Variants in HELLS observed in about 807,000 individuals in gnomAD.
The protein encoded by HELLS is helicase, lymphoid specific, also known as lymphoid-specific helicase.
A neutral mutation model predicts 120.0 loss-of-function variants in HELLS; 32 were observed. The observed-to-expected ratio is 0.27, with a 90% CI of 0.20 to 0.36. HELLS has a LOEUF of 0.36. Among genes scored for constraint, HELLS ranks in the 10% least tolerant of loss-of-function variants. The pLI, the probability that HELLS is intolerant of heterozygous loss-of-function variation, is 1.00. For synonymous variants in HELLS, 341 were observed against 323.4 expected (o/e 1.05, Z -0.58); for missense variants, 650 against 993.4 (o/e 0.65, Z 4.65).
intron 11 of HELLS, among the ~76,000 whole-genome samples, chr10:94,581,787 T>G (rs1399146621): frequency 1.3e-5 from 2 of 152,194 alleles, no homozygotes; most frequent in Non-Finnish European, 2.9e-5. Context: ...TGTGTTACCT[T>G]TGTAAAACAT....
chr10:94,546,556 C>CG, intron 2 of HELLS, 58 bp downstream of exon 2: 1 of 1,603,518 alleles, frequency 6.2e-7, no homozygotes, highest in Non-Finnish European at 8.5e-7. Context: ...GGCTTTAACC[C>CG]GGAGGTGTGG....
chr10:94,561,627 A>G (rs1843557308), intron 4 of HELLS, among the ~76,000 whole-genome samples: 1 of 151,940 alleles, frequency 6.6e-6, no homozygotes. Flanking sequence ...CACCATGCTC[A>G]GCTAATTTTC....
At chr10:94,589,424 C>G (rs1845344572) in intron 13 of HELLS, among the ~76,000 whole-genome samples, 1 of 152,144 alleles carries the variant, frequency 6.6e-6, no homozygotes, top group Non-Finnish European at 1.5e-5. Flanking sequence ...GGATGTTCTA[C>G]CTGTACAGTT....
chr10:94,599,725 A>G (rs1297301450), intron 21 of HELLS, among the ~76,000 whole-genome samples: 1 of 152,216 alleles, frequency 6.6e-6, no homozygotes, highest in African/African-American at 2.4e-5. Flanking sequence ...ATTTAAGAAG[A>G]TTGCTTATTA....
rs948576112 is a variant in HELLS at position 94,613,563 on chromosome 10, A to G, written c.*3712A>G. 4 of 152,184 alleles carry G rather than the reference A, an allele frequency of 2.6e-5. No homozygotes were observed. The East Asian group carries it at 5.8e-4, about 22-fold the overall frequency. The allele number at this position is 152,184 out of a possible 1,614,324, so 9.4% of individuals were successfully genotyped here. ...CTAAATGCTTTATTAGACTTTTCTC[A>G]TAAGTTTTGACTGGTACTGTTTTCA... On this transcript the variant is annotated 3_prime_UTR_variant, in exon 10 of 10. Transcript: ENST00000371327.
chr10:94,601,631 T>A lies in HELLS; in HGVS notation c.*9T>A. On this transcript the variant is annotated 3_prime_UTR_variant, in exon 22 of 22. Transcript: ENST00000348459. ...CTGAATGTTTGTTTTAAAGTGGAGCTCAAGAATAGCTTTTAAAAGTTCTTA... is the reference window on the plus strand; with the variant it reads ...CTGAATGTTTGTTTTAAAGTGGAGCACAAGAATAGCTTTTAAAAGTTCTTA... The A allele has an allele frequency of 7.0e-7, 1 of 1,425,732 alleles. No individual in the cohort carries two copies. The allele number at this position is 1,425,732 out of a possible 1,614,324, so 88.3% of individuals were successfully genotyped here.
Position 94,558,180 on chromosome 10 carries a change from T to C in HELLS, c.318T>C (p.Ser106=). ...AAAAATTGGAGAGAAAAAAGGAGTCTTTAAAAGTTAAAAAGGTAATATAGC... is the reference window on the plus strand; with the variant it reads ...AAAAATTGGAGAGAAAAAAGGAGTCCTTAAAAGTTAAAAAGGTAATATAGC... ...KKEKLERKKE[S]LKVKKGKNSI... The change falls in exon 4 of 22, where the codon TCT becomes TCC. Residue 106 remains serine (S), a synonymous_variant. Transcript: ENST00000348459. 6.4e-7 allele frequency: 1 copy of C among 1,565,184 alleles called. No individual in the cohort carries two copies.
intron 10 of HELLS, among the ~76,000 whole-genome samples, chr10:94,580,160 TATACACACAC>T (rs1287278450): frequency 2.9e-4 from 19 of 64,532 alleles, no homozygotes; most frequent in African/African-American, 1.2e-3. Context: ...TATATATATA[TATACACACAC>T]ACACACACAC....
chr10:94,607,161 C>G (rs1589773474), intron 8 of HELLS, among the ~76,000 whole-genome samples: 1 of 152,200 alleles, frequency 6.6e-6, no homozygotes, highest in African/African-American at 2.4e-5. Context: ...ATTTCTTACA[C>G]TGTGAGGGGG....
chr10:94,553,342 G>A (rs1034903209), intron 2 of HELLS, among the ~76,000 whole-genome samples: 4 of 151,678 alleles, frequency 2.6e-5, no homozygotes, highest in Middle Eastern at 3.2e-3. Flanking sequence ...TCCGCTTCCC[G>A]GGTTTAAGCA....
At position 94,608,910 on chromosome 10, in the gene HELLS, A is replaced by T. The variant is rs575749102; in HGVS notation, c.*1+884A>T. ...AGCAATCTTCCTGTCTTGGCCTCCC[A>T]ATAGCATAAGCTACCGCACCCAGCC... On this transcript the variant is annotated intron_variant, in intron 9 of 9. Coordinates refer to the HELLS transcript ENST00000371327. Among the ~76,000 whole-genome samples the T allele has an allele frequency of 3.3e-5, 5 of 151,794 alleles. No individual in the cohort carries two copies. The South Asian group carries it at 8.3e-4, about 25-fold the overall frequency.
chr10:94,600,529 C>A (rs930140323), intron 21 of HELLS, among the ~76,000 whole-genome samples: 3 of 152,022 alleles, frequency 2.0e-5, no homozygotes, highest in Non-Finnish European at 4.4e-5. Context: ...AGACAACTTT[C>A]ACGAAAAGCT....
chr10:94,591,772 C>T (rs1340423897), intron 15 of HELLS, among the ~76,000 whole-genome samples: 1 of 152,196 alleles, frequency 6.6e-6, no homozygotes, highest in Non-Finnish European at 1.5e-5. Context: ...GTAGCTCTCT[C>T]ATGAGGGAAT....
intron 2 of HELLS, among the ~76,000 whole-genome samples, chr10:94,550,032 T>G (rs1049055713): frequency 8.5e-5 from 13 of 152,192 alleles, no homozygotes; most frequent in South Asian, 2.1e-4. Context: ...GCAATTCTCC[T>G]GCCTCAGCCT....
chr10:94,593,479 T>TACA lies in HELLS; in HGVS notation c.1972-19_1972-17dup. 7.0e-7 allele frequency: 1 copy of TACA among 1,422,422 alleles called. No individual in the cohort carries two copies. Among genetic ancestry groups the TACA allele is most frequent in the African/African-American group, 1.4e-5 (1 of 71,270 alleles). 88.1% of individuals were successfully genotyped at this position (1,422,422 alleles called of 1,614,324 possible). On this transcript the variant is annotated intron_variant, in intron 17 of 21. Transcript: ENST00000348459. Reference sequence around the variant, plus strand: ...TTAATTTATTTTAATCTGTTGTATTTACATCCTTTTTGCTTTTAGATGCAC... The same window carrying TACA: ...TTAATTTATTTTAATCTGTTGTATTTACAACATCCTTTTTGCTTTTAGATGCAC...
At chr10:94,556,157 G>A (rs542011010) in intron 3 of HELLS, among the ~76,000 whole-genome samples, 12 of 152,256 alleles carry the variant, frequency 7.9e-5, no homozygotes, top group South Asian at 2.1e-4. Context: ...CTTTCACCCC[G>A]TAGATAGTGT....
At chr10:94,594,906 G>A in intron 19 of HELLS, 52 bp downstream of exon 19, 1 of 1,372,074 alleles carries the variant, frequency 7.3e-7, no homozygotes, top group Non-Finnish European at 1.0e-6. Context: ...ATTGTGTGTT[G>A]TGGATTTTGT....
downstream of HELLS, among the ~76,000 whole-genome samples, chr10:94,603,689 G>T (rs958082693): frequency 6.6e-6 from 1 of 152,000 alleles, no homozygotes; most frequent in South Asian, 2.1e-4. Context: ...TACTTCTTTT[G>T]CATTTTCCTT....
chr10:94,593,785 C>G (rs1175269304), intron 18 of HELLS, among the ~76,000 whole-genome samples, 170 bp downstream of exon 18: 1 of 151,878 alleles, frequency 6.6e-6, no homozygotes, highest in Non-Finnish European at 1.5e-5. Flanking sequence ...GCCTCAGCCC[C>G]CTGAGTAGCT....
Sources: allele counts gnomAD v4.1 joint callset (sites outside exome capture counted in the v4.1 genomes callset), GRCh38; gene constraint gnomAD v4.1.1; transcripts MANE v1.5; gene names NCBI Gene and HGNC (gene_info 2026-07-23, HGNC 2026-07-21).